The following XPNPEP3 variants were observed in gnomAD, a reference collection of about 807,000 sequenced individuals.
The protein encoded by XPNPEP3 is xaa-Pro aminopeptidase 3.
A neutral mutation model predicts 60.0 loss-of-function variants in XPNPEP3; 41 were observed. The observed-to-expected ratio is 0.68, with a 90% CI of 0.53 to 0.89. The LOEUF (loss-of-function observed/expected upper bound fraction) is 0.89. Among genes scored for constraint, XPNPEP3 ranks in the 40% least tolerant of loss-of-function variants. The pLI, the probability that XPNPEP3 is intolerant of heterozygous loss-of-function variation, is 0.00. For synonymous variants in XPNPEP3, 212 were observed against 223.2 expected (o/e 0.95, Z 0.45); for missense variants, 598 against 638.9 (o/e 0.94, Z 0.69).
At chr22:40,866,915 A>G (rs1374004666) in intron 1 of XPNPEP3, among the ~76,000 whole-genome samples, 2 of 152,224 alleles carry the variant, frequency 1.3e-5, no homozygotes, top group African/African-American at 4.8e-5. Context: ...AAAAGGAATC[A>G]GTTAACTTTT....
intron 4 of XPNPEP3, among the ~76,000 whole-genome samples, chr22:40,903,517 A>C (rs1415885731): frequency 1.3e-5 from 2 of 150,450 alleles, no homozygotes; most frequent in Non-Finnish European, 3.0e-5. Flanking sequence ...TTAAGATGGA[A>C]TCTTACTCTG....
chr22:40,883,380 G>T (rs964787518), intron 3 of XPNPEP3, among the ~76,000 whole-genome samples: 4 of 151,738 alleles, frequency 2.6e-5, no homozygotes, highest in Admixed American at 6.6e-5. Flanking sequence ...TTTAGGCAGG[G>T]TCTCACTCTG....
At chr22:40,901,301 C>G (rs5758123) in intron 4 of XPNPEP3, among the ~76,000 whole-genome samples, 58,483 of 147,612 alleles carry the variant, frequency 0.4, 13,412 homozygotes, top group East Asian at 0.73. Flanking sequence ...ATGGCCCAAT[C>G]TCTGCTCACC....
chr22:40,910,956 C>T (rs5751007), intron 6 of XPNPEP3, among the ~76,000 whole-genome samples: 8,824 of 152,180 alleles, frequency 0.058, 340 homozygotes, highest in East Asian at 0.2. Flanking sequence ...TGCAATGAGC[C>T]GAGATCGCGC....
At chr22:40,859,386 AGT>A (rs1055729578) in intron 1 of XPNPEP3, among the ~76,000 whole-genome samples, 1 of 152,182 alleles carries the variant, frequency 6.6e-6, no homozygotes, top group Non-Finnish European at 1.5e-5. Flanking sequence ...TTCTGTTAAG[AGT>A]GAAGAAATGG....
chr22:40,899,535 G>A (rs1192795343), intron 4 of XPNPEP3, among the ~76,000 whole-genome samples: 1 of 152,058 alleles, frequency 6.6e-6, no homozygotes, highest in East Asian at 1.9e-4. Flanking sequence ...AAAGAATGAA[G>A]TTGTGCCCGG....
At chr22:40,918,244 C>A (rs2058203725) in intron 7 of XPNPEP3, among the ~76,000 whole-genome samples, 1 of 151,900 alleles carries the variant, frequency 6.6e-6, no homozygotes, top group Non-Finnish European at 1.5e-5. Flanking sequence ...TATGGTGGCG[C>A]ACACCTGTAA....
intron 4 of XPNPEP3, among the ~76,000 whole-genome samples, chr22:40,900,876 T>G (rs1287081799): frequency 2.6e-5 from 4 of 152,116 alleles, no homozygotes; most frequent in African/African-American, 9.7e-5. Flanking sequence ...GAGGCTTCAG[T>G]GAGCCAAGAT....
At chr22:40,891,179 C>CAAAA (rs989825018) in intron 4 of XPNPEP3, among the ~76,000 whole-genome samples, 17 of 43,788 alleles carry the variant, frequency 3.9e-4, no homozygotes, top group Middle Eastern at 0.015. Flanking sequence ...CCCATTTCTA[C>CAAAA]AAAAAAAAAA....
At position 40,868,238 on chromosome 22, in the gene XPNPEP3, A is replaced by G. The variant is rs532449822; in HGVS notation, c.65-761A>G. 2.0e-5 allele frequency among the ~76,000 whole-genome samples: 3 copies of G among 152,318 alleles called. No homozygotes were observed. In the East Asian group the frequency reaches 5.8e-4, roughly 29 times the overall value. On this transcript the variant is annotated intron_variant, in intron 1 of 9. Coordinates refer to ENST00000357137, the MANE Select transcript of XPNPEP3 (RefSeq NM_022098.4). The stretch of plus-strand genomic sequence containing the variant: ...CAAGATTAAATGAGATAGCATGTGC[A>G]TATTTTCTCATGCTTAACATATTCT...
In XPNPEP3 at chr22:40,909,247, G is replaced by C; in HGVS notation, c.969+12G>C. ...ATCAACTCATCAAGGTACGTGAGAT[G>C]CCCTCAGTGCTACTCCCACTAGGTC... On this transcript the variant is annotated intron_variant, in intron 6 of 9. Transcript: ENST00000357137. The C allele has an allele frequency of 6.2e-7, 1 of 1,604,792 alleles. No homozygotes were observed. Among genetic ancestry groups the C allele is most frequent in the Non-Finnish European group, 8.5e-7 (1 of 1,171,470 alleles).
intron 8 of XPNPEP3, among the ~76,000 whole-genome samples, chr22:40,923,566 A>T (rs2058224265): frequency 6.6e-6 from 1 of 152,130 alleles, no homozygotes; most frequent in Admixed American, 6.6e-5. Flanking sequence ...GAAATATCCA[A>T]GCTGGCTGGG....
chr22:40,861,582 A>G (rs112058522), intron 1 of XPNPEP3: 4 of 1,613,262 alleles, frequency 2.5e-6, no homozygotes, highest in African/African-American at 2.7e-5. Context: ...GGCAGTGGAG[A>G]AAAAGTATCC....
intron 2 of XPNPEP3, among the ~76,000 whole-genome samples, chr22:40,877,896 G>T (rs1178159169): frequency 6.6e-6 from 1 of 152,090 alleles, no homozygotes; most frequent in African/African-American, 2.4e-5. Context: ...ACATGGAAAG[G>T]TTTCTTTTTT....
At chr22:40,917,067 G>C (rs1321519733) in intron 7 of XPNPEP3, 1 of 152,396 alleles carries the variant, frequency 6.6e-6, no homozygotes, top group African/African-American at 2.4e-5. Context: ...GACAGAGCCA[G>C]ACCCTGTCGC....
At chr22:40,858,002 AAAT>A (rs1321750112) in intron 1 of XPNPEP3, among the ~76,000 whole-genome samples, 1 of 152,218 alleles carries the variant, frequency 6.6e-6, no homozygotes, top group Non-Finnish European at 1.5e-5. Flanking sequence ...TTACTATAAA[AAAT>A]AAAAAGTTAT....
chr22:40,879,990 G>A (rs1283932142), intron 2 of XPNPEP3, among the ~76,000 whole-genome samples: 1 of 145,044 alleles, frequency 6.9e-6, no homozygotes, highest in East Asian at 2.0e-4. Context: ...TCGTGCCACT[G>A]CTCTCCAGCC....
At chr22:40,905,066 A>ATTTAATTTTTTTTTT (rs1170088725) in intron 4 of XPNPEP3, among the ~76,000 whole-genome samples, 1 of 139,138 alleles carries the variant, frequency 7.2e-6, no homozygotes, top group African/African-American at 2.7e-5. Flanking sequence ...ACACTCAGCC[A>ATTTAATTTTTTTTTT]TTTAATTTTT....
intron 4 of XPNPEP3, among the ~76,000 whole-genome samples, chr22:40,889,087 A>G (rs949517852): frequency 4.0e-5 from 6 of 151,784 alleles, no homozygotes; most frequent in Admixed American, 3.9e-4. Context: ...GTTGGAGTGC[A>G]TGGTGAGATC....
Sources: gnomAD v4.1 joint callset for allele counts (sites outside exome capture counted in the v4.1 genomes callset) on GRCh38, gnomAD v4.1.1 for gene constraint, MANE v1.5 for transcripts, NCBI Gene and HGNC (gene_info 2026-07-23, HGNC 2026-07-21) for gene names.